NIPBL: variants seen among roughly 807,000 people sequenced by gnomAD.
NIPBL encodes NIPBL cohesin loading factor.
A neutral mutation model predicts 321.8 loss-of-function variants in NIPBL; 19 were observed. The ratio of observed to expected loss-of-function variants is 0.06; its 90% CI spans 0.04 to 0.09. The LOEUF is 0.09. NIPBL is among the 10% of genes least tolerant of loss of function. The pLI, the probability that NIPBL is intolerant of heterozygous loss-of-function variation, is 1.00. For missense variants in NIPBL, 2,210 were observed against 3,327.0 expected, an observed-to-expected ratio of 0.66 and a Z score of 8.26; for synonymous variants, 1,106 against 1,114.1, an observed-to-expected ratio of 0.99 and a Z score of 0.14.
intron 32 of NIPBL, among the ~76,000 whole-genome samples, chr5:37,036,096 A>T (rs894616648): frequency 6.6e-6 from 1 of 151,998 alleles, no homozygotes; most frequent in Non-Finnish European, 1.5e-5. Context: ...TCTTTCACGT[A>T]TTACCTTAGG....
intron 1 of NIPBL, among the ~76,000 whole-genome samples, chr5:36,907,379 T>G (rs1334049072): frequency 6.6e-6 from 1 of 152,120 alleles, no homozygotes; most frequent in African/African-American, 2.4e-5. Flanking sequence ...GTAATACATG[T>G]TCATTATGGA....
intron 46 of NIPBL, 58 bp downstream of exon 46, chr5:37,064,036 G>A: frequency 6.3e-7 from 1 of 1,590,510 alleles, no homozygotes; most frequent in Non-Finnish European, 8.6e-7. Flanking sequence ...TGATTTTTAT[G>A]TGCTTATATA....
At chr5:37,061,385 A>T (rs537976947) in intron 45 of NIPBL, among the ~76,000 whole-genome samples, 20 of 152,324 alleles carry the variant, frequency 1.3e-4, no homozygotes, top group African/African-American at 4.3e-4. Flanking sequence ...TGATAAAAAA[A>T]TGGCGTAGTG....
intron 9 of NIPBL, among the ~76,000 whole-genome samples, chr5:36,983,179 A>C (rs967006559): frequency 2.6e-5 from 4 of 151,906 alleles, no homozygotes; most frequent in Non-Finnish European, 5.9e-5. Flanking sequence ...GTTAGTTTTA[A>C]CTGGTGGAAA....
chr5:36,909,813 C>T (rs537372142), intron 1 of NIPBL, among the ~76,000 whole-genome samples: 152 of 152,280 alleles, frequency 1.0e-3, no homozygotes, highest in African/African-American at 3.6e-3. Context: ...CACAGTGGCT[C>T]ACACCAGTGA....
intron 1 of NIPBL, among the ~76,000 whole-genome samples, chr5:36,946,491 AT>A (rs925102175): frequency 6.6e-6 from 1 of 151,400 alleles, no homozygotes; most frequent in Non-Finnish European, 1.5e-5. Context: ...CTAGTTAACC[AT>A]TTTTTTACTA....
intron 34 of NIPBL, among the ~76,000 whole-genome samples, chr5:37,043,237 A>T (rs1245662050): frequency 6.6e-6 from 1 of 152,142 alleles, no homozygotes; most frequent in Non-Finnish European, 1.5e-5. Flanking sequence ...CTCTACAAAA[A>T]TGAAAATTAA....
chr5:36,947,830 A>G (rs924118325), intron 1 of NIPBL, among the ~76,000 whole-genome samples: 4 of 151,968 alleles, frequency 2.6e-5, no homozygotes, highest in Non-Finnish European at 5.9e-5. Context: ...ACCCCTAATC[A>G]TTGTTAAAGG....
chr5:36,882,053 G>T (rs1426548404), intron 1 of NIPBL, among the ~76,000 whole-genome samples: 1 of 151,948 alleles, frequency 6.6e-6, no homozygotes, highest in Admixed American at 6.6e-5. Context: ...TTTATAGCCA[G>T]AGAATGTTGA....
chr5:36,935,550 G>C (rs1378741962), intron 1 of NIPBL, among the ~76,000 whole-genome samples: 1 of 152,082 alleles, frequency 6.6e-6, no homozygotes, highest in South Asian at 2.1e-4. Flanking sequence ...TATTGTATTA[G>C]AATTGCTGTA....
chr5:36,896,571 A>G lies in NIPBL; in HGVS notation c.-80+19393A>G, dbSNP rs943534678. Among the ~76,000 whole-genome samples, 47 of 152,080 alleles carry G rather than the reference A, an allele frequency of 3.1e-4. 2 individuals are homozygous for G. Among genetic ancestry groups the G allele is most frequent in the Admixed American group, 6.6e-5 (1 of 15,262 alleles). ...ATCCAAGGGCATGGGAAGACGTTCCATTTTTTTAAAGCCCTAATTTCCTTT... is the reference window on the plus strand; with the variant it reads ...ATCCAAGGGCATGGGAAGACGTTCCGTTTTTTTAAAGCCCTAATTTCCTTT... On this transcript the variant is annotated intron_variant, in intron 1 of 46. Transcript: ENST00000282516.
At chr5:36,997,129 G>C (rs943572120) in intron 11 of NIPBL, 3 of 152,108 alleles carry the variant, frequency 2.0e-5, no homozygotes, top group African/African-American at 7.2e-5. Flanking sequence ...GACGTGGTTA[G>C]CTCTGGAAGA....
At chr5:36,956,530 T>C (rs1335040975) in intron 3 of NIPBL, among the ~76,000 whole-genome samples, 7 of 151,166 alleles carry the variant, frequency 4.6e-5, no homozygotes, top group South Asian at 2.1e-4. Context: ...ATGGAGAAGC[T>C]AAGAAATGAT....
At chr5:37,051,909 A>G (rs1330505739) in intron 41 of NIPBL, 23 bp downstream of exon 41, 1 of 1,520,740 alleles carries the variant, frequency 6.6e-7, no homozygotes. Flanking sequence ...ACATTTTATA[A>G]CCTAAATTTA....
At chr5:36,886,205 A>G in intron 1 of NIPBL, 1 of 654,950 alleles carries the variant, frequency 1.5e-6, no homozygotes, top group Non-Finnish European at 2.8e-6. Context: ...TATGCCCTGC[A>G]GGTAGAGCAG....
intron 1 of NIPBL, among the ~76,000 whole-genome samples, chr5:36,890,018 G>A (rs1227711952): frequency 6.6e-6 from 1 of 151,644 alleles, no homozygotes. Flanking sequence ...TATTTATGAT[G>A]AATGTAATTA....
intron 25 of NIPBL, 150 bp from the exon 26 acceptor site, chr5:37,020,309 G>A: frequency 3.1e-6 from 2 of 651,794 alleles, no homozygotes; most frequent in South Asian, 1.8e-5. Flanking sequence ...ATATTTTCTG[G>A]CTTTCTTAAA....
Position 37,042,663 on chromosome 5 carries a change from T to G in NIPBL, c.6109-1684T>G, listed in dbSNP as rs574272275. On this transcript the variant is annotated intron_variant, in intron 34 of 46. Coordinates refer to ENST00000282516, the MANE Select transcript of NIPBL (RefSeq NM_133433.4). ...AAATTAGCCAGGCGTGGTGGCAGGC[T>G]AGTTGTCGATCCATATTCCCGACAT... is the stretch of plus-strand genomic sequence containing the variant. Among the ~76,000 whole-genome samples the G allele has an allele frequency of 2.0e-5, 3 of 151,572 alleles. No individual in the cohort carries two copies. The East Asian group carries it at 5.8e-4, about 29-fold the overall frequency.
chr5:36,929,176 T>G (rs1467863927), intron 1 of NIPBL, among the ~76,000 whole-genome samples: 1 of 152,162 alleles, frequency 6.6e-6, no homozygotes, highest in African/African-American at 2.4e-5. Context: ...AGTGTCTTTT[T>G]TTATAACATT....
Sources: gnomAD v4.1 joint callset for allele counts (sites outside exome capture counted in the v4.1 genomes callset) on GRCh38, gnomAD v4.1.1 for gene constraint, MANE v1.5 for transcripts, NCBI Gene and HGNC (gene_info 2026-07-23, HGNC 2026-07-21) for gene names.